The following TMEM232 variants were observed in gnomAD, a reference collection of about 807,000 sequenced individuals.
TMEM232 encodes the protein transmembrane protein 232.
In TMEM232, 80 loss-of-function variants were observed where a neutral mutation model predicts 78.8. The ratio of observed to expected loss-of-function variants is 1.01; its 90% confidence interval spans 0.85 to 1.22. TMEM232 has a LOEUF of 1.22. Ranked by LOEUF, TMEM232 falls within the 50% of genes most tolerant of loss-of-function variation. The probability of loss-of-function intolerance (pLI) is 0.00; values close to 1 mark genes in which losing one functional copy is unlikely to be tolerated. For synonymous variants in TMEM232, 297 were observed against 254.3 expected (o/e 1.17, Z -1.60); for missense variants, 881 against 742.2 (o/e 1.19, Z -2.17).
At chr5:110,712,958 C>G (rs1006830088) in intron 1 of TMEM232, among the ~76,000 whole-genome samples, 2 of 152,154 alleles carry the variant, frequency 1.3e-5, no homozygotes, top group Admixed American at 6.5e-5. Flanking sequence ...TATCTGCACT[C>G]TCATGTTTGT....
chr5:110,673,864 A>G (rs543282245), intron 1 of TMEM232, among the ~76,000 whole-genome samples: 2 of 152,174 alleles, frequency 1.3e-5, no homozygotes, highest in Admixed American at 1.3e-4. Flanking sequence ...CAGATTGTAT[A>G]CTTTTTGCCA....
chr5:110,505,319 C>T (rs1766745801), intron 12 of TMEM232, among the ~76,000 whole-genome samples: 1 of 152,098 alleles, frequency 6.6e-6, no homozygotes, highest in Non-Finnish European at 1.5e-5. Flanking sequence ...TTGGACCCAT[C>T]ATAGGTGGAA....
rs1227732295 is a variant in TMEM232, at chr5:110,391,420, G to A, written n.391-780C>T. On this transcript the variant is annotated intron_variant and non_coding_transcript_variant, in intron 3 of 8. Transcript: ENST00000507188. ...TTCCCTCATGCAATAAATATTTATTGAGCCGATGTGTCAAGAACTGAGGAT... is the reference window on the plus strand; with the variant it reads ...TTCCCTCATGCAATAAATATTTATTAAGCCGATGTGTCAAGAACTGAGGAT... Among the ~76,000 whole-genome samples, 2 of 151,662 alleles carry A rather than the reference G, an allele frequency of 1.3e-5. 1 individual carries two copies. Among genetic ancestry groups the A allele is most frequent in the East Asian group, 3.9e-4 (2 of 5,154 alleles).
At chr5:110,546,803 A>G (rs1255729803) in intron 11 of TMEM232, among the ~76,000 whole-genome samples, 1 of 152,122 alleles carries the variant, frequency 6.6e-6, no homozygotes, top group Non-Finnish European at 1.5e-5. Context: ...ATACCACAGA[A>G]CTTGTTCAAA....
intron 10 of TMEM232, among the ~76,000 whole-genome samples, chr5:110,591,733 T>C (rs1779562983): frequency 6.6e-6 from 1 of 152,166 alleles, no homozygotes; most frequent in Non-Finnish European, 1.5e-5. Context: ...AGTGACAAAA[T>C]TAAAATACGG....
At chr5:110,621,709 C>T (rs960392361) in intron 7 of TMEM232, among the ~76,000 whole-genome samples, 2 of 151,984 alleles carry the variant, frequency 1.3e-5, no homozygotes, top group Non-Finnish European at 2.9e-5. Context: ...TCCTTCCCTC[C>T]CTCTCTTTGT....
At chr5:110,387,703 C>G (rs1200663626) in intron 5 of TMEM232, 5 of 152,204 alleles carry the variant, frequency 3.3e-5, no homozygotes, top group African/African-American at 9.6e-5. Context: ...AAAAATCAAT[C>G]CATGAAAATA....
intron 12 of TMEM232, among the ~76,000 whole-genome samples, chr5:110,513,553 A>T (rs540827053): frequency 2.0e-5 from 3 of 152,250 alleles, no homozygotes; most frequent in South Asian, 4.1e-4. Context: ...TTTCCAAGGA[A>T]ATCACACAAA....
intron 10 of TMEM232, among the ~76,000 whole-genome samples, chr5:110,574,749 G>C (rs1777380428): frequency 6.6e-6 from 1 of 152,104 alleles, no homozygotes; most frequent in African/African-American, 2.4e-5. Flanking sequence ...CAACTTCTCT[G>C]GGAGAGGATA....
chr5:110,563,050 C>A (rs1363059053), intron 11 of TMEM232, among the ~76,000 whole-genome samples: 1 of 151,934 alleles, frequency 6.6e-6, no homozygotes, highest in Non-Finnish European at 1.5e-5. Context: ...ATCAATATAA[C>A]TGCTTTTAGA....
At chr5:110,592,973 G>T (rs1336158766) in intron 10 of TMEM232, among the ~76,000 whole-genome samples, 2 of 152,152 alleles carry the variant, frequency 1.3e-5, no homozygotes, top group South Asian at 4.1e-4. Context: ...AAGTATCTAG[G>T]TGGCTAGCTC....
chr5:110,679,602 A>G (rs1227537010), intron 1 of TMEM232, among the ~76,000 whole-genome samples: 1 of 152,168 alleles, frequency 6.6e-6, no homozygotes, highest in African/African-American at 2.4e-5. Flanking sequence ...ACCATATTCC[A>G]GGTCATCTAG....
At chr5:110,497,411 C>A (rs1765759226) in intron 12 of TMEM232, among the ~76,000 whole-genome samples, 1 of 152,032 alleles carries the variant, frequency 6.6e-6, no homozygotes, top group Non-Finnish European at 1.5e-5. Flanking sequence ...GGTAGACTTG[C>A]ATAAAAGAGC....
chr5:110,735,751 T>C (rs1437638058), intron 1 of TMEM232, among the ~76,000 whole-genome samples: 1 of 152,192 alleles, frequency 6.6e-6, no homozygotes, highest in Non-Finnish European at 1.5e-5. Flanking sequence ...TGTTAAGTCA[T>C]AAGGACATTC....
In TMEM232 at chr5:110,605,195, T is replaced by C; in HGVS notation, c.1190A>G (p.Tyr397Cys). The C allele has an allele frequency of 6.4e-7, 1 of 1,551,046 alleles. No individual in the cohort carries two copies. The change falls in exon 10 of 14, where the codon TAC (tyrosine) becomes TGC (cysteine). Residue 397 changes from tyrosine to cysteine, a missense_variant. Coordinates refer to ENST00000455884, the MANE Select transcript of TMEM232 (RefSeq NM_001039763.4). Reference sequence around the variant, plus strand: ...TTCTGGAGGTACTGATTTGTCCAAGTATAAAATATTTTTTTGTGAACTTTT... The same window carrying C: ...TTCTGGAGGTACTGATTTGTCCAAGCATAAAATATTTTTTTGTGAACTTTT... ...HCKSSQKNIL[Y>C]LDKSVPPELK...
At chr5:110,513,271 A>G (rs1281199890) in intron 12 of TMEM232, among the ~76,000 whole-genome samples, 1 of 152,208 alleles carries the variant, frequency 6.6e-6, no homozygotes, top group African/African-American at 2.4e-5. Flanking sequence ...AATGTCAACA[A>G]AAGCAAAAAT....
chr5:110,490,173 G>T lies in TMEM232; in HGVS notation c.1703+38415C>A, dbSNP rs149635129. 8.2e-3 allele frequency among the ~76,000 whole-genome samples: 1,035 copies of T among 126,446 alleles called. 7 individuals are homozygous for T. Among genetic ancestry groups the T allele is most frequent in the Non-Finnish European group, 8.9e-3 (555 of 62,506 alleles). The allele number at this position is 126,446 out of a possible 152,430, so 83.0% of individuals were successfully genotyped here. ...AGAAAGAAAGAAAGAAAGAAAGAAA[G>T]AAAGAAAGAAAGAAAGAAAAAGTTA... On this transcript the variant is annotated intron_variant, in intron 12 of 13. Coordinates refer to ENST00000455884, the MANE Select transcript of TMEM232 (RefSeq NM_001039763.4).
chr5:110,428,285 T>A (rs1242472479), intron 12 of TMEM232, among the ~76,000 whole-genome samples: 1 of 151,896 alleles, frequency 6.6e-6, no homozygotes, highest in African/African-American at 2.4e-5. Flanking sequence ...TTCCCCTCAG[T>A]TTCCCTAAAC....
Position 110,568,618 on chromosome 5 carries a change from T to A in TMEM232, c.1284A>T (p.Gln428His). ...FSSKMSENCD[Q>H]VVWTGYYGLV... ...AGCCATAGTAACCAGTCCAGACTAC[T>A]TGATCACCTGTTTAAAAAGAAAAAG... The change falls in exon 11 of 14, where the codon CAA (glutamine) becomes CAT (histidine). Residue 428 changes from glutamine to histidine, a missense_variant. Physicochemically the swap from Gln to His is conservative, Grantham distance 24. Coordinates refer to ENST00000455884, the MANE Select transcript of TMEM232 (RefSeq NM_001039763.4). 6.5e-7 allele frequency: 1 copy of A among 1,530,956 alleles called. No individual in the cohort carries two copies. The highest frequency in any genetic ancestry group is 2.5e-5 in the East Asian group (1 of 40,278). 94.8% of individuals were successfully genotyped at this position (1,530,956 alleles called of 1,614,324 possible). A position where few individuals can be genotyped will look rare whatever the true frequency, so the allele number is the denominator to read the frequency against.
Sources: allele counts gnomAD v4.1 joint callset (sites outside exome capture counted in the v4.1 genomes callset), GRCh38; gene constraint gnomAD v4.1.1; transcripts MANE v1.5; gene names NCBI Gene and HGNC (gene_info 2026-07-23, HGNC 2026-07-21).